SLC24A4: variants seen among roughly 807,000 people sequenced by gnomAD.
SLC24A4 encodes the protein sodium/potassium/calcium exchanger 4.
SLC24A4 carries 53 observed loss-of-function variants against 79.0 expected under a neutral mutation model. That is an observed-to-expected ratio of 0.67 (90% CI 0.54 to 0.84). The LOEUF (loss-of-function observed/expected upper bound fraction) is 0.84, where lower values mean the gene tolerates loss of function less well. SLC24A4 is among the 40% of genes least tolerant of loss of function. The pLI is 0.00. For missense variants in SLC24A4, 731 were observed against 822.0 expected (o/e 0.89, Z 1.35); for synonymous variants, 323 against 323.8 (o/e 1.00, Z 0.03).
At chr14:92,359,143 G>C (rs1055710185) in intron 2 of SLC24A4, among the ~76,000 whole-genome samples, 2 of 152,164 alleles carry the variant, frequency 1.3e-5, no homozygotes, top group Admixed American at 1.3e-4. Context: ...AGCCCAGGGG[G>C]CTTGTCTGGT....
chr14:92,473,587 G>A (rs1894551185), intron 12 of SLC24A4, among the ~76,000 whole-genome samples: 2 of 152,296 alleles, frequency 1.3e-5, no homozygotes, highest in Admixed American at 6.5e-5. Flanking sequence ...CAGGAAAGGG[G>A]ACTTTATGAG....
rs558601744 is a variant in SLC24A4 at position 92,335,851 on chromosome 14, T to C, written c.241+9873T>C. 2.0e-5 allele frequency among the ~76,000 whole-genome samples: 3 copies of C among 152,300 alleles called. No individual in the cohort carries two copies. In the East Asian group the frequency reaches 5.8e-4, roughly 29 times the overall value. The stretch of plus-strand genomic sequence containing the variant: ...GGGGTAGAAAAAGACAAACTAGAGA[T>C]GGGAACTTCTGTAGCAGATTCCAGC... On this transcript the variant is annotated intron_variant, in intron 2 of 16. Coordinates refer to ENST00000532405, the MANE Select transcript of SLC24A4 (RefSeq NM_153646.4).
intron 12 of SLC24A4, among the ~76,000 whole-genome samples, chr14:92,469,939 A>G (rs1202855340): frequency 2.0e-5 from 3 of 152,224 alleles, no homozygotes; most frequent in Admixed American, 2.0e-4. Flanking sequence ...GCTAATGGCT[A>G]GGGGTTTCCA....
intron 2 of SLC24A4, among the ~76,000 whole-genome samples, chr14:92,388,617 G>A (rs537840234): frequency 6.6e-6 from 1 of 152,220 alleles, no homozygotes; most frequent in Non-Finnish European, 1.5e-5. Flanking sequence ...TTGTATAGTT[G>A]TGGGGCAGGA....
intron 2 of SLC24A4, among the ~76,000 whole-genome samples, chr14:92,328,544 T>C (rs1885283289): frequency 6.6e-6 from 1 of 152,224 alleles, no homozygotes; most frequent in African/African-American, 2.4e-5. Context: ...AATAGAAATT[T>C]AGTGGCTCAG....
intron 2 of SLC24A4, among the ~76,000 whole-genome samples, chr14:92,401,515 A>G (rs1371414337): frequency 6.6e-6 from 1 of 152,156 alleles, no homozygotes; most frequent in Non-Finnish European, 1.5e-5. Context: ...CAAAGCACAG[A>G]AGGACTTAGA....
intron 2 of SLC24A4, among the ~76,000 whole-genome samples, chr14:92,407,882 TG>T (rs1890484249): frequency 6.6e-6 from 1 of 151,578 alleles, no homozygotes; most frequent in Non-Finnish European, 1.5e-5. Context: ...TGTGTGTGTG[TG>T]TGTGTGTGTG....
chr14:92,338,995 G>C lies in SLC24A4; in HGVS notation c.241+13017G>C, dbSNP rs557409895. ...CTCATTGCACCCCTCAGGGAGCTGT[G>C]CCCCCACAAAAGTGGCTACTCTCTC... is the stretch of plus-strand genomic sequence containing the variant. On this transcript the variant is annotated intron_variant, in intron 2 of 16. Coordinates refer to ENST00000532405, the MANE Select transcript of SLC24A4 (RefSeq NM_153646.4). Among the ~76,000 whole-genome samples, 7 of 152,292 alleles carry C rather than the reference G, an allele frequency of 4.6e-5. No homozygotes were observed. In the South Asian group the frequency reaches 1.4e-3, roughly 32 times the overall value.
chr14:92,387,939 T>C (rs898917375), intron 2 of SLC24A4, among the ~76,000 whole-genome samples: 5 of 152,272 alleles, frequency 3.3e-5, no homozygotes, highest in African/African-American at 9.6e-5. Flanking sequence ...TGTGGATCCA[T>C]TCATCCATCC....
At chr14:92,446,068 A>C (rs1468384480) in intron 8 of SLC24A4, among the ~76,000 whole-genome samples, 1 of 152,216 alleles carries the variant, frequency 6.6e-6, no homozygotes. Flanking sequence ...TCTGAGGAAC[A>C]GGTTGATGTT....
chr14:92,365,243 G>A (rs1025384894), intron 2 of SLC24A4, among the ~76,000 whole-genome samples: 1 of 152,262 alleles, frequency 6.6e-6, no homozygotes, highest in Non-Finnish European at 1.5e-5. Context: ...ACTGGGGAAG[G>A]GTTTGAGTTA....
chr14:92,477,125 G>A (rs1270224121), intron 12 of SLC24A4, among the ~76,000 whole-genome samples: 2 of 152,240 alleles, frequency 1.3e-5, no homozygotes, highest in African/African-American at 4.8e-5. Flanking sequence ...TCCAAAGCAG[G>A]TGTACCACTT....
intron 2 of SLC24A4, among the ~76,000 whole-genome samples, chr14:92,378,475 TTGG>T (rs1387659435): frequency 6.6e-6 from 1 of 152,240 alleles, no homozygotes; most frequent in Non-Finnish European, 1.5e-5. Flanking sequence ...AGGCATTTCC[TTGG>T]ATAATAATGG....
chr14:92,351,988 G>T (rs144172481), intron 2 of SLC24A4, among the ~76,000 whole-genome samples: 4 of 151,654 alleles, frequency 2.6e-5, no homozygotes, highest in Non-Finnish European at 5.9e-5. Flanking sequence ...GTAGGTGAAG[G>T]CTTAGTTTTA....
At chr14:92,422,639 T>C (rs1196990123) in intron 2 of SLC24A4, among the ~76,000 whole-genome samples, 1 of 151,432 alleles carries the variant, frequency 6.6e-6, no homozygotes, top group Non-Finnish European at 1.5e-5. Context: ...GTATGTTTCA[T>C]ATGTAGAACA....
At chr14:92,493,374 C>T (rs1233632438) in intron 16 of SLC24A4, 102 bp from the exon 17 acceptor site, 4 of 1,404,714 alleles carry the variant, frequency 2.8e-6, no homozygotes, top group African/African-American at 2.9e-5. Context: ...CCACATTCTG[C>T]AGAATGTTCT....
intron 14 of SLC24A4, among the ~76,000 whole-genome samples, chr14:92,491,174 A>G (rs968574091): frequency 1.3e-5 from 2 of 152,114 alleles, no homozygotes; most frequent in Non-Finnish European, 2.9e-5. Context: ...TAATGAGTAT[A>G]TTTATCCCGC....
At chr14:92,405,706 G>A (rs558329813) in intron 2 of SLC24A4, among the ~76,000 whole-genome samples, 37 of 152,144 alleles carry the variant, frequency 2.4e-4, no homozygotes, top group African/African-American at 7.5e-4. Flanking sequence ...AGTTTTAAAC[G>A]ATCAGATCTC....
chr14:92,336,668 A>G (rs574431197), intron 2 of SLC24A4, among the ~76,000 whole-genome samples: 142 of 152,328 alleles, frequency 9.3e-4, no homozygotes, highest in African/African-American at 3.1e-3. Flanking sequence ...GTCAGTGAGC[A>G]TGGGGAAGAC....
Sources: allele counts gnomAD v4.1 joint callset (sites outside exome capture counted in the v4.1 genomes callset), GRCh38; gene constraint gnomAD v4.1.1; transcripts MANE v1.5; gene names NCBI Gene and HGNC (gene_info 2026-07-23, HGNC 2026-07-21).